SYNE2: variants seen among roughly 807,000 people sequenced by gnomAD.
SYNE2 encodes nesprin-2.
SYNE2 carries 431 observed loss-of-function variants against 856.3 expected under a neutral mutation model. The observed-to-expected ratio is 0.50, with a 90% CI of 0.47 to 0.55. The LOEUF (loss-of-function observed/expected upper bound fraction) is 0.55. SYNE2 is among the 20% of genes least tolerant of loss of function. The pLI is 0.00. For missense variants in SYNE2, 8,129 were observed against 8,023.2 expected, an observed-to-expected ratio of 1.01 and a Z score of -0.50; for synonymous variants, 2,923 against 2,872.3, an observed-to-expected ratio of 1.02 and a Z score of -0.56.
chr14:64,085,058 A>C (rs957781425), intron 57 of SYNE2: 5 of 696,988 alleles, frequency 7.2e-6, no homozygotes, highest in Non-Finnish European at 1.3e-5. Context: ...GAGAGCTGTC[A>C]AGACAGAAGC....
chr14:63,929,363 A>C (rs2095713698), intron 2 of SYNE2, among the ~76,000 whole-genome samples: 1 of 152,236 alleles, frequency 6.6e-6, no homozygotes, highest in Non-Finnish European at 1.5e-5. Flanking sequence ...ATATACCAAT[A>C]ACAAATAAGT....
At chr14:64,176,080 A>AG (rs2153732189) in intron 95 of SYNE2, among the ~76,000 whole-genome samples, 1 of 152,328 alleles carries the variant, frequency 6.6e-6, no homozygotes, top group African/African-American at 2.4e-5. Context: ...CTTCAGTGAG[A>AG]GGTTACCATA....
chr14:64,075,597 CTTT>C (rs58200430), intron 53 of SYNE2: 452 of 163,520 alleles, frequency 2.8e-3, no homozygotes, highest in South Asian at 6.9e-3. Context: ...TTCTTTGAAA[CTTT>C]TTTTTTTTTT....
chr14:64,093,911 T>C (rs1290357639), intron 61 of SYNE2, among the ~76,000 whole-genome samples: 2 of 152,196 alleles, frequency 1.3e-5, no homozygotes, highest in African/African-American at 2.4e-5. Flanking sequence ...CCTGACTTTC[T>C]GGGATAGAGT....
intron 1 of SYNE2, among the ~76,000 whole-genome samples, chr14:63,875,787 G>A (rs2094701790): frequency 6.6e-6 from 1 of 152,100 alleles, no homozygotes; most frequent in Admixed American, 6.6e-5. Context: ...CTTTTGGCAC[G>A]AATCTTAAGA....
chr14:63,946,585 A>G (rs907622599), intron 6 of SYNE2, among the ~76,000 whole-genome samples: 7 of 147,816 alleles, frequency 4.7e-5, no homozygotes, highest in African/African-American at 1.7e-4. Flanking sequence ...TGTCCAGTAT[A>G]TATTATATAT....
intron 96 of SYNE2, among the ~76,000 whole-genome samples, chr14:64,179,610 C>T (rs985151220): frequency 6.6e-6 from 1 of 152,146 alleles, no homozygotes; most frequent in Admixed American, 6.6e-5. Flanking sequence ...TTTTGCTAAT[C>T]CAGCAGCTGT....
chr14:63,821,869 T>G (rs1264462509), intron 1 of SYNE2, among the ~76,000 whole-genome samples: 4 of 151,796 alleles, frequency 2.6e-5, no homozygotes, highest in Non-Finnish European at 4.4e-5. Context: ...AACCAAAAAC[T>G]TGCAGTATCT....
At chr14:63,862,066 A>T (rs1893878627) in intron 1 of SYNE2, among the ~76,000 whole-genome samples, 1 of 152,224 alleles carries the variant, frequency 6.6e-6, no homozygotes, top group Non-Finnish European at 1.5e-5. Flanking sequence ...TTTATACATC[A>T]TATCATTTTA....
chr14:64,138,958 T>TG (rs2098119428), intron 79 of SYNE2, among the ~76,000 whole-genome samples: 81 of 118,530 alleles, frequency 6.8e-4, no homozygotes, highest in African/African-American at 2.0e-3. Context: ...TGTGTGTGTG[T>TG]GTGTGTGTGT....
At position 63,995,049 on chromosome 14, in the gene SYNE2, T is replaced by A. The variant is rs1422696880; in HGVS notation, c.2787T>A (p.Leu929=). The A allele has an allele frequency of 7.8e-6, 12 of 1,532,854 alleles. No homozygotes were observed. In the Admixed American group the frequency reaches 1.8e-4, roughly 23 times the overall value. The allele number at this position is 1,532,854 out of a possible 1,614,324, so 95.0% of individuals were successfully genotyped here. The change falls in exon 23 of 116, where the codon CTT becomes CTA. Residue 929 remains leucine, a synonymous_variant. Coordinates refer to ENST00000555002, the MANE Select transcript of SYNE2 (RefSeq NM_182914.3). ...SRDVCAKWES[L]HHELSLYVQQ... ...TCCTTTGATTTTTTTTGTAGTCTCTTCATCATGAACTGTCTTTATATGTTC... is the reference window on the plus strand; with the variant it reads ...TCCTTTGATTTTTTTTGTAGTCTCTACATCATGAACTGTCTTTATATGTTC...
intron 55 of SYNE2, 44 bp downstream of exon 55, chr14:64,078,650 C>A (rs2097490514): frequency 6.2e-7 from 1 of 1,606,824 alleles, no homozygotes; most frequent in Non-Finnish European, 8.5e-7. Flanking sequence ...GTACTTCTGA[C>A]CCACTCCTGC....
chr14:63,795,663 G>T (rs1283502976), intron 1 of SYNE2, among the ~76,000 whole-genome samples: 3 of 152,114 alleles, frequency 2.0e-5, no homozygotes, highest in Non-Finnish European at 4.4e-5. Flanking sequence ...CTCCCAAAAT[G>T]CTGAGATTAC....
chr14:63,790,017 G>T (rs1049412718), intron 1 of SYNE2, among the ~76,000 whole-genome samples: 3 of 152,138 alleles, frequency 2.0e-5, no homozygotes, highest in Admixed American at 6.6e-5. Context: ...TCCCTCTGTA[G>T]AATGAGAGCT....
At chr14:64,050,851 T>A (rs1011749934) in intron 47 of SYNE2, among the ~76,000 whole-genome samples, 2 of 151,902 alleles carry the variant, frequency 1.3e-5, no homozygotes, top group African/African-American at 4.8e-5. Flanking sequence ...AAACCCTGTT[T>A]CTCTAAAAAT....
chr14:63,993,019 C>T (rs138894049), intron 21 of SYNE2, among the ~76,000 whole-genome samples: 2 of 152,102 alleles, frequency 1.3e-5, no homozygotes, highest in Admixed American at 6.6e-5. Flanking sequence ...TTCTGTCATT[C>T]GCTAGTTACC....
intron 8 of SYNE2, among the ~76,000 whole-genome samples, chr14:63,959,193 G>C (rs1449010232): frequency 7.1e-6 from 1 of 141,688 alleles, no homozygotes; most frequent in Non-Finnish European, 1.5e-5. Flanking sequence ...GTTTTGGTAA[G>C]AGTTGAATTA....
chr14:64,137,714 A>G (rs1352618504), intron 78 of SYNE2, 73 bp from the exon 79 acceptor site: 15 of 1,488,450 alleles, frequency 1.0e-5, no homozygotes, highest in Non-Finnish European at 1.4e-5. Context: ...TCAGTTTTAA[A>G]TGCAGTATTT....
chr14:64,160,292 G>A lies in SYNE2; in HGVS notation c.16094+850G>A, dbSNP rs559451324. Among the ~76,000 whole-genome samples, 185 of 152,290 alleles carry A rather than the reference G, an allele frequency of 1.2e-3. 1 individual carries two copies. Among genetic ancestry groups the A allele is most frequent in the Non-Finnish European group, 2.0e-3 (134 of 68,016 alleles). On this transcript the variant is annotated intron_variant, in intron 87 of 115. Transcript: ENST00000555002. ...GTTGGTAAAGGAACTCAGTTGTTACGCTGCACGTACACATTCACTTGTTGG... is the reference window on the plus strand; with the variant it reads ...GTTGGTAAAGGAACTCAGTTGTTACACTGCACGTACACATTCACTTGTTGG...
Sources: allele counts gnomAD v4.1 joint callset (sites outside exome capture counted in the v4.1 genomes callset), GRCh38; gene constraint gnomAD v4.1.1; transcripts MANE v1.5; gene names NCBI Gene and HGNC (gene_info 2026-07-23, HGNC 2026-07-21).